ASB2: variants seen among roughly 807,000 people sequenced by gnomAD.
ASB2 encodes ankyrin repeat and SOCS box containing 2, also known as ankyrin repeat and SOCS box protein 2.
ASB2 carries 58 observed loss-of-function variants against 62.4 expected under a neutral mutation model. The ratio of observed to expected loss-of-function variants is 0.93; its 90% CI spans 0.75 to 1.16. The LOEUF is 1.16. Ranked by LOEUF, ASB2 falls within the 50% of genes most tolerant of loss-of-function variation. ASB2 has a pLI of 0.00. For synonymous variants in ASB2, 386 were observed against 385.3 expected (o/e 1.00, Z -0.02); for missense variants, 928 against 887.9 (o/e 1.05, Z -0.57).
At chr14:93,953,226 C>T in intron 5 of ASB2, 126 bp downstream of exon 5, 1 of 803,244 alleles carries the variant, frequency 1.2e-6, no homozygotes, top group Non-Finnish European at 1.9e-6. Context: ...GATTCAGTTA[C>T]ATAAATTGTG....
At chr14:93,953,722 T>C (rs1889065330) in intron 4 of ASB2, among the ~76,000 whole-genome samples, 1 of 152,206 alleles carries the variant, frequency 6.6e-6, no homozygotes, top group Non-Finnish European at 1.5e-5. Context: ...CTGAGAAGCC[T>C]TCCCTAATGG....
intron 1 of ASB2, among the ~76,000 whole-genome samples, chr14:93,969,311 C>T (rs973589053): frequency 4.6e-5 from 7 of 152,136 alleles, no homozygotes; most frequent in East Asian, 3.9e-4. Context: ...AGCCCTGGCA[C>T]GAGGGGGAAG....
chr14:93,950,792 T>C (rs545088332), intron 6 of ASB2, among the ~76,000 whole-genome samples: 4 of 149,520 alleles, frequency 2.7e-5, no homozygotes, highest in African/African-American at 7.4e-5. Context: ...TAATGGCAGA[T>C]GTCACTAGTG....
At chr14:93,937,951 C>CTTGG in intron 8 of ASB2, 100 bp from the exon 9 acceptor site, 1 of 1,249,848 alleles carries the variant, frequency 8.0e-7, no homozygotes, top group Non-Finnish European at 1.1e-6. Context: ...AGACACTGTG[C>CTTGG]ACACCCAGGC....
chr14:93,940,441 A>T (rs1366308087), intron 7 of ASB2: 1 of 152,182 alleles, frequency 6.6e-6, no homozygotes, highest in Non-Finnish European at 1.5e-5. Context: ...AGCTGTCCCT[A>T]TCTTGCTGTC....
At chr14:93,944,478 C>T (rs933167864) in intron 7 of ASB2, among the ~76,000 whole-genome samples, 5 of 152,224 alleles carry the variant, frequency 3.3e-5, no homozygotes, top group South Asian at 2.1e-4. Context: ...ATGCCTGGGA[C>T]GGATGGCCAG....
chr14:93,951,354 C>T, intron 5 of ASB2, 110 bp from the exon 6 acceptor site: 1 of 1,307,258 alleles, frequency 7.6e-7, no homozygotes, highest in Non-Finnish European at 1.0e-6. Context: ...CAGCTTTCCA[C>T]TGCATGTGTA....
chr14:93,971,023 T>C (rs918239765), intron 1 of ASB2, among the ~76,000 whole-genome samples: 1 of 152,248 alleles, frequency 6.6e-6, no homozygotes, highest in Non-Finnish European at 1.5e-5. Context: ...AACCTGTTCC[T>C]GCTGGGAGGA....
Position 93,939,551 on chromosome 14 carries a change from G to C in ASB2, c.1174C>G (p.Arg392Gly). Reference protein sequence around the residue: ...DEVLEALLSARFDVNTPLAPE... With the variant: ...DEVLEALLSAGFDVNTPLAPE... ...GCCAGCGGCGTGTTCACGTCGAAGCGCGCGCTCAGCAGCGCCTCCAGCACC... is the reference window on the plus strand; with the variant it reads ...GCCAGCGGCGTGTTCACGTCGAAGCCCGCGCTCAGCAGCGCCTCCAGCACC... Residue 392 changes from arginine (R) to glycine (G), a missense_variant, in exon 8 of 10, where the codon CGC (arginine) becomes GGC (glycine). Coordinates refer to ENST00000555019, the MANE Select transcript of ASB2 (RefSeq NM_001202429.2). 6.3e-7 allele frequency: 1 copy of C among 1,598,286 alleles called. No individual in the cohort carries two copies. Among genetic ancestry groups the C allele is most frequent in the Non-Finnish European group, 8.5e-7 (1 of 1,174,206 alleles).
At chr14:93,947,677 C>T (rs566366729) in intron 6 of ASB2, among the ~76,000 whole-genome samples, 157 bp from the exon 7 acceptor site, 23 of 152,238 alleles carry the variant, frequency 1.5e-4, no homozygotes, top group African/African-American at 5.5e-4. Context: ...CTGGGGCTAC[C>T]CCCAGCTTCT....
intron 1 of ASB2, among the ~76,000 whole-genome samples, chr14:93,966,706 G>A (rs1889603706): frequency 6.6e-6 from 1 of 152,220 alleles, no homozygotes; most frequent in African/African-American, 2.4e-5. Flanking sequence ...TTCTCTTATA[G>A]GCAGTCAAAT....
chr14:93,971,166 G>A (rs147593194), intron 1 of ASB2, among the ~76,000 whole-genome samples: 20 of 152,298 alleles, frequency 1.3e-4, no homozygotes, highest in African/African-American at 2.9e-4. Flanking sequence ...CCCAGCCTTC[G>A]CGTGACAGCT....
At chr14:93,951,828 C>T (rs1056260856) in intron 5 of ASB2, among the ~76,000 whole-genome samples, 4 of 152,232 alleles carry the variant, frequency 2.6e-5, no homozygotes, top group Non-Finnish European at 5.9e-5. Context: ...GCAAAGGCTA[C>T]TAATTTAGTT....
In ASB2 at chr14:93,948,863, G is replaced by A. The variant is rs1373206069; in HGVS notation, c.881-1343C>T. Reference sequence around the variant, plus strand: ...AGGTGCAAGGATTACTTGAGCCCAGGAGGTTGATATAGGCGGCAGTGAGCC... The same window carrying A: ...AGGTGCAAGGATTACTTGAGCCCAGAAGGTTGATATAGGCGGCAGTGAGCC... On this transcript the variant is annotated intron_variant, in intron 6 of 9. Coordinates refer to ENST00000555019, the MANE Select transcript of ASB2 (RefSeq NM_001202429.2). 2.6e-5 allele frequency among the ~76,000 whole-genome samples: 4 copies of A among 152,352 alleles called. No homozygotes were observed. In the East Asian group the frequency reaches 5.8e-4, roughly 22 times the overall value.
chr14:93,952,898 T>TC (rs1889023404), intron 5 of ASB2, among the ~76,000 whole-genome samples: 1 of 152,254 alleles, frequency 6.6e-6, no homozygotes. Flanking sequence ...GCCTTGTTTT[T>TC]CTTAAACAAA....
chr14:93,957,030 G>C, intron 2 of ASB2, 160 bp from the exon 3 acceptor site: 2 of 1,509,084 alleles, frequency 1.3e-6, no homozygotes, highest in East Asian at 2.3e-5. Context: ...TCCTCTGTGT[G>C]CTGGACACAG....
Position 93,939,090 on chromosome 14 carries a change from C to T in ASB2, c.1617+18G>A. The T allele has an allele frequency of 2.8e-6, 4 of 1,443,044 alleles. No individual in the cohort carries two copies. Among genetic ancestry groups the T allele is most frequent in the Non-Finnish European group, 3.6e-6 (4 of 1,099,454 alleles). 89.4% of individuals were successfully genotyped at this position (1,443,044 alleles called of 1,614,324 possible). A position where few individuals can be genotyped will look rare whatever the true frequency, so the allele number is the denominator to read the frequency against. On this transcript the variant is annotated intron_variant, in intron 8 of 9. Transcript: ENST00000555019. Reference sequence around the variant, plus strand: ...CACCCAAAAGGCGTGCTCCCCACCGCCAGCGTGCGCTGCCCACCTGCACCA... The same window carrying T: ...CACCCAAAAGGCGTGCTCCCCACCGTCAGCGTGCGCTGCCCACCTGCACCA...
chr14:93,951,265 G>T (rs187314566), intron 5 of ASB2, 21 bp from the exon 6 acceptor site: 2 of 1,576,418 alleles, frequency 1.3e-6, no homozygotes, highest in East Asian at 2.3e-5. Context: ...GGGGAAGCAG[G>T]GATGGTCAGC....
chr14:93,964,122 C>A (rs919969357), intron 2 of ASB2, among the ~76,000 whole-genome samples: 4 of 152,104 alleles, frequency 2.6e-5, no homozygotes, highest in African/African-American at 7.2e-5. Flanking sequence ...GGTCCTTAAG[C>A]GGATGAAAGG....
Sources: allele counts gnomAD v4.1 joint callset (sites outside exome capture counted in the v4.1 genomes callset), GRCh38; gene constraint gnomAD v4.1.1; transcripts MANE v1.5; gene names NCBI Gene and HGNC (gene_info 2026-07-23, HGNC 2026-07-21).